The following MEGF11 variants were observed in gnomAD, a reference collection of about 807,000 sequenced individuals.
MEGF11 encodes multiple epidermal growth factor-like domains protein 11.
In MEGF11, 126 loss-of-function variants were observed where a neutral mutation model predicts 146.6. The ratio of observed to expected loss-of-function variants is 0.86; its 90% confidence interval spans 0.74 to 1.00. The LOEUF is 1.00. Ranked by LOEUF, MEGF11 falls within the 50% of genes least tolerant of loss-of-function variation. The probability of loss-of-function intolerance (pLI) is 0.00; values close to 1 mark genes in which losing one functional copy is unlikely to be tolerated. For synonymous variants in MEGF11, 532 were observed against 583.4 expected (o/e 0.91, Z 1.27); for missense variants, 1,509 against 1,521.2 (o/e 0.99, Z 0.13).
At chr15:65,905,797 A>G in intron 24 of MEGF11, 1 of 315,538 alleles carries the variant, frequency 3.2e-6, no homozygotes, top group African/African-American at 2.1e-5. Flanking sequence ...AATTGGTTGG[A>G]TAATGACGCT....
At chr15:65,912,359 T>G (rs1246036224) in intron 20 of MEGF11, 159 bp from the exon 21 acceptor site, 3 of 407,456 alleles carry the variant, frequency 7.4e-6, no homozygotes, top group Non-Finnish European at 1.3e-5. Flanking sequence ...CTACTCCTAC[T>G]GAAATCTGGA....
chr15:65,910,697 A>C (rs1201564677), intron 21 of MEGF11, among the ~76,000 whole-genome samples: 3 of 152,096 alleles, frequency 2.0e-5, no homozygotes, highest in East Asian at 3.8e-4. Flanking sequence ...GCTGTATAGT[A>C]TCTATATTAC....
At chr15:65,961,370 C>T (rs556686843) in intron 9 of MEGF11, among the ~76,000 whole-genome samples, 4 of 152,288 alleles carry the variant, frequency 2.6e-5, no homozygotes, top group East Asian at 1.9e-4. Flanking sequence ...GGAATCCTTC[C>T]AGAGTGGATT....
At chr15:66,076,166 T>G (rs1250650441) in intron 5 of MEGF11, among the ~76,000 whole-genome samples, 1 of 151,866 alleles carries the variant, frequency 6.6e-6, no homozygotes, top group Admixed American at 6.6e-5. Flanking sequence ...GACTGATACA[T>G]AGTTGGACAA....
At chr15:66,187,306 T>A (rs915932400) in intron 1 of MEGF11, among the ~76,000 whole-genome samples, 1 of 152,166 alleles carries the variant, frequency 6.6e-6, no homozygotes, top group African/African-American at 2.4e-5. Context: ...CCCATCCCTC[T>A]CTCTGTGAAA....
rs1398651087 is a variant in MEGF11, at chr15:65,922,825, C to T, written c.1820G>A (p.Arg607Lys). 1 of 1,613,830 alleles carries T rather than the reference C, an allele frequency of 6.2e-7. No individual in the cohort carries two copies. Among genetic ancestry groups the T allele is most frequent in the Non-Finnish European group, 8.5e-7 (1 of 1,179,820 alleles). ...APGFRGPLCQ[R>K]ICPPGFYGHG... is the part of the protein sequence containing the mutation. ...CGGGGTCAGGGGATTAGCCTTACTT[C>T]TCTGGCATAAGGGTCCTCGGAAGCC... is the stretch of plus-strand genomic sequence containing the variant. The change falls in exon 14 of 26, where the codon AGA becomes AAA. Residue 607 changes from arginine to lysine, a missense_variant and splice_region_variant. Physicochemically the swap from Arg to Lys is conservative, Grantham distance 26. Coordinates refer to ENST00000395614, the MANE Select transcript of MEGF11 (RefSeq NM_001385028.1).
At chr15:65,956,925 T>C (rs948989002) in intron 10 of MEGF11, among the ~76,000 whole-genome samples, 6 of 152,078 alleles carry the variant, frequency 3.9e-5, no homozygotes, top group African/African-American at 1.2e-4. Context: ...TGTAGATTTA[T>C]AGAACACTTG....
At chr15:66,126,348 G>A (rs1211450642) in intron 2 of MEGF11, among the ~76,000 whole-genome samples, 1 of 152,192 alleles carries the variant, frequency 6.6e-6, no homozygotes, top group Non-Finnish European at 1.5e-5. Flanking sequence ...GGCCGGAGAA[G>A]CCCAGAGAGT....
At chr15:66,153,231 G>T (rs1342030800) in intron 1 of MEGF11, among the ~76,000 whole-genome samples, 1 of 152,272 alleles carries the variant, frequency 6.6e-6, no homozygotes, top group Non-Finnish European at 1.5e-5. Context: ...TGGATGGGCT[G>T]GTCCCATCTC....
chr15:66,223,509 G>C (rs2091782424), intron 1 of MEGF11, among the ~76,000 whole-genome samples: 1 of 152,156 alleles, frequency 6.6e-6, no homozygotes, highest in South Asian at 2.1e-4. Context: ...GATCACTTGA[G>C]GCCAGGAGTT....
intron 1 of MEGF11, among the ~76,000 whole-genome samples, chr15:66,202,535 C>T (rs1024936195): frequency 6.6e-6 from 1 of 152,194 alleles, no homozygotes; most frequent in Non-Finnish European, 1.5e-5. Context: ...CTCCGTGACC[C>T]CTAGGGGTGG....
intron 10 of MEGF11, among the ~76,000 whole-genome samples, chr15:65,947,287 G>C (rs1010218619): frequency 6.6e-6 from 1 of 152,188 alleles, no homozygotes; most frequent in Admixed American, 6.5e-5. Context: ...GGGCTGGGGA[G>C]CTGGGGCACT....
chr15:66,192,598 A>C (rs2090912161), intron 1 of MEGF11, among the ~76,000 whole-genome samples: 1 of 152,230 alleles, frequency 6.6e-6, no homozygotes, highest in African/African-American at 2.4e-5. Flanking sequence ...AGAAAAACTG[A>C]GGTTCAGAAA....
At chr15:66,099,294 T>G (rs1383236902) in intron 4 of MEGF11, among the ~76,000 whole-genome samples, 1 of 150,704 alleles carries the variant, frequency 6.6e-6, no homozygotes, top group African/African-American at 2.4e-5. Flanking sequence ...GTGATTCTCC[T>G]GCCTCAGCCT....
intron 3 of MEGF11, among the ~76,000 whole-genome samples, chr15:66,121,521 G>A (rs566443358): frequency 2.9e-4 from 44 of 152,324 alleles, no homozygotes; most frequent in African/African-American, 9.6e-4. Context: ...TGATACTGGA[G>A]GCAAGTGGAC....
chr15:66,215,349 C>A (rs768706096), intron 1 of MEGF11, among the ~76,000 whole-genome samples: 1 of 152,134 alleles, frequency 6.6e-6, no homozygotes, highest in Non-Finnish European at 1.5e-5. Context: ...CCAGAGGGAC[C>A]ACCTGAGCCC....
intron 10 of MEGF11, among the ~76,000 whole-genome samples, chr15:65,938,106 G>A (rs2079851309): frequency 1.3e-5 from 2 of 152,234 alleles, no homozygotes; most frequent in South Asian, 4.1e-4. Context: ...CACCTGCTCT[G>A]CTAATGCATG....
intron 5 of MEGF11, among the ~76,000 whole-genome samples, chr15:66,055,802 C>T (rs2084650399): frequency 6.6e-6 from 1 of 152,160 alleles, no homozygotes. Context: ...ACAGAACAAC[C>T]TCAACATGAT....
intron 1 of MEGF11, among the ~76,000 whole-genome samples, chr15:66,133,500 AC>A (rs2088749065): frequency 6.6e-6 from 1 of 152,216 alleles, no homozygotes; most frequent in South Asian, 2.1e-4. Flanking sequence ...TCTGAATAAA[AC>A]AAAAAGCCAA....
Sources: allele counts gnomAD v4.1 joint callset (sites outside exome capture counted in the v4.1 genomes callset), GRCh38; gene constraint gnomAD v4.1.1; transcripts MANE v1.5; gene names NCBI Gene and HGNC (gene_info 2026-07-23, HGNC 2026-07-21).